The following SDCCAG8 variants were observed in gnomAD, a reference collection of about 807,000 sequenced individuals.
SDCCAG8 encodes the protein serologically defined colon cancer antigen 8.
SDCCAG8 carries 74 observed loss-of-function variants against 101.8 expected under a neutral mutation model. The observed-to-expected ratio is 0.73, with a 90% CI of 0.60 to 0.88. SDCCAG8 has a LOEUF of 0.88. Ranked by LOEUF, SDCCAG8 falls within the 40% of genes least tolerant of loss-of-function variation. The pLI is 0.00. For missense variants in SDCCAG8, 787 were observed against 822.6 expected (o/e 0.96, Z 0.53); for synonymous variants, 281 against 292.9 (o/e 0.96, Z 0.41).
chr1:243,357,740 C>T (rs2970547), intron 12 of SDCCAG8, among the ~76,000 whole-genome samples: 116,301 of 152,192 alleles, frequency 0.76, 47,741 homozygotes, highest in East Asian at 0.93. Flanking sequence ...GTGCTGGGGG[C>T]TCAGCAAAGG....
intron 5 of SDCCAG8, among the ~76,000 whole-genome samples, chr1:243,291,803 G>A (rs1252008907): frequency 6.6e-6 from 1 of 152,218 alleles, no homozygotes; most frequent in Admixed American, 6.5e-5. Context: ...CAGACCCACA[G>A]GTTAAGGGCT....
intron 17 of SDCCAG8, among the ~76,000 whole-genome samples, chr1:243,494,498 C>T (rs1036405308): frequency 2.6e-5 from 4 of 152,210 alleles, no homozygotes; most frequent in African/African-American, 9.6e-5. Context: ...ACATAAGCAT[C>T]TCGCGACCTT....
chr1:243,473,285 T>C (rs1211485053), intron 16 of SDCCAG8, among the ~76,000 whole-genome samples: 1 of 152,178 alleles, frequency 6.6e-6, no homozygotes, highest in Non-Finnish European at 1.5e-5. Context: ...GACTGAAAAA[T>C]GTAGATTAAC....
At chr1:243,369,075 T>A (rs2077145382) in intron 12 of SDCCAG8, among the ~76,000 whole-genome samples, 1 of 152,112 alleles carries the variant, frequency 6.6e-6, no homozygotes, top group Non-Finnish European at 1.5e-5. Flanking sequence ...TTCCTCATAA[T>A]TTAATGGTCT....
In SDCCAG8 at chr1:243,487,001, AG is replaced by A. The variant is rs542933821; in HGVS notation, c.1986-2010del. On this transcript the variant is annotated intron_variant, in intron 16 of 17. Transcript: ENST00000366541. ...TTCATCGGAGGGGAAAAGCCACCTTAGGGTTCCAGAGCTCAAGGGCGAATGA... is the reference window on the plus strand; with the variant it reads ...TTCATCGGAGGGGAAAAGCCACCTTAGGTTCCAGAGCTCAAGGGCGAATGA... Among the ~76,000 whole-genome samples the A allele has an allele frequency of 1.2e-4, 18 of 152,362 alleles. No homozygotes were observed. The South Asian group carries it at 3.7e-3, about 32-fold the overall frequency.
intron 12 of SDCCAG8, among the ~76,000 whole-genome samples, chr1:243,375,655 AC>A (rs917611329): frequency 7.2e-5 from 11 of 152,158 alleles, no homozygotes; most frequent in African/African-American, 2.7e-4. Context: ...GCCACATCAA[AC>A]TGCACTGTAG....
At chr1:243,438,254 C>T (rs2082280095) in intron 16 of SDCCAG8, among the ~76,000 whole-genome samples, 1 of 152,100 alleles carries the variant, frequency 6.6e-6, no homozygotes, top group African/African-American at 2.4e-5. Flanking sequence ...CCATGGATTC[C>T]AGGCTGGCAC....
chr1:243,334,614 C>T (rs2074868049), intron 10 of SDCCAG8, among the ~76,000 whole-genome samples: 1 of 152,018 alleles, frequency 6.6e-6, no homozygotes, highest in Non-Finnish European at 1.5e-5. Flanking sequence ...GTATTTGAGA[C>T]AGGGTCTCAC....
chr1:243,428,476 A>G (rs1016203483), intron 16 of SDCCAG8, among the ~76,000 whole-genome samples: 1 of 152,198 alleles, frequency 6.6e-6, no homozygotes, highest in Non-Finnish European at 1.5e-5. Flanking sequence ...GTTTGGGCCC[A>G]TTTATACACA....
At chr1:243,261,227 A>G (rs1164311089) in intron 1 of SDCCAG8, among the ~76,000 whole-genome samples, 2 of 151,998 alleles carry the variant, frequency 1.3e-5, no homozygotes, top group Non-Finnish European at 2.9e-5. Flanking sequence ...TCTTCCAAGA[A>G]GGAAGCCAAG....
chr1:243,392,833 A>G (rs1490816651), intron 13 of SDCCAG8, among the ~76,000 whole-genome samples: 2 of 152,208 alleles, frequency 1.3e-5, no homozygotes, highest in Admixed American at 6.5e-5. Flanking sequence ...ATTTATTCCT[A>G]TCTGTTTTTC....
intron 4 of SDCCAG8, among the ~76,000 whole-genome samples, chr1:243,283,140 A>T (rs1394135183): frequency 6.6e-6 from 1 of 151,566 alleles, no homozygotes; most frequent in Non-Finnish European, 1.5e-5. Flanking sequence ...GAGCCACCGC[A>T]CCCGGCCTGA....
Position 243,426,192 on chromosome 1 carries a change from C to T in SDCCAG8, c.1854-235C>T, listed in dbSNP as rs542747624. The stretch of plus-strand genomic sequence containing the variant: ...TGATCATTATCATGTTTGTCTTATT[C>T]CTTAGGGAAGCCATTTCTGTTAGAG... On this transcript the variant is annotated intron_variant, in intron 15 of 17. Coordinates refer to ENST00000366541, the MANE Select transcript of SDCCAG8 (RefSeq NM_006642.5). Among the ~76,000 whole-genome samples, 17 of 150,756 alleles carry T rather than the reference C, an allele frequency of 1.1e-4. 1 individual carries two copies. The South Asian group carries it at 3.5e-3, about 31-fold the overall frequency.
intron 4 of SDCCAG8, among the ~76,000 whole-genome samples, chr1:243,276,040 T>G (rs553669678): frequency 1.3e-5 from 2 of 152,082 alleles, no homozygotes; most frequent in Admixed American, 1.3e-4. Context: ...ATTTTTGTAT[T>G]TTTTGTAGAG....
chr1:243,487,061 T>C (rs1665069397), intron 16 of SDCCAG8, among the ~76,000 whole-genome samples: 1 of 152,148 alleles, frequency 6.6e-6, no homozygotes, highest in African/African-American at 2.4e-5. Context: ...TACGGAAGCA[T>C]CAGATTGTCT....
At chr1:243,470,012 A>G (rs566091281) in intron 16 of SDCCAG8, among the ~76,000 whole-genome samples, 42 of 151,296 alleles carry the variant, frequency 2.8e-4, no homozygotes, top group African/African-American at 1.0e-3. Context: ...AAAAAAAAGT[A>G]TAGCAACAGT....
chr1:243,415,906 G>A, intron 14 of SDCCAG8, 77 bp downstream of exon 14: 1 of 1,561,488 alleles, frequency 6.4e-7, no homozygotes, highest in African/African-American at 1.4e-5. Context: ...AATGACATCA[G>A]GAACACCTGT....
At chr1:243,286,469 T>C in intron 5 of SDCCAG8, 72 bp downstream of exon 5, 2 of 1,525,578 alleles carry the variant, frequency 1.3e-6, no homozygotes, top group Non-Finnish European at 9.0e-7. Context: ...CCTCGCCTTC[T>C]TCGCTGCTTA....
intron 12 of SDCCAG8, among the ~76,000 whole-genome samples, chr1:243,373,055 TTAA>T (rs1307870840): frequency 6.6e-6 from 1 of 151,396 alleles, no homozygotes; most frequent in Non-Finnish European, 1.5e-5. Flanking sequence ...ATAGTAAGAG[TTAA>T]TATTATTTCT....
Sources: gnomAD v4.1 joint callset for allele counts (sites outside exome capture counted in the v4.1 genomes callset) on GRCh38, gnomAD v4.1.1 for gene constraint, MANE v1.5 for transcripts, NCBI Gene and HGNC (gene_info 2026-07-23, HGNC 2026-07-21) for gene names.